Variants in ATG3 observed in about 807,000 individuals in gnomAD.
ATG3 encodes ubiquitin-like-conjugating enzyme ATG3.
ATG3 carries 25 observed loss-of-function variants against 50.7 expected under a neutral mutation model. The ratio of observed to expected loss-of-function variants is 0.49; its 90% CI spans 0.36 to 0.69. The LOEUF is 0.69. Among genes scored for constraint, ATG3 ranks in the 30% least tolerant of loss-of-function variants. ATG3 has a pLI of 0.00. For missense variants in ATG3, 281 were observed against 376.0 expected, an observed-to-expected ratio of 0.75 and a Z score of 2.09; for synonymous variants, 119 against 125.5, an observed-to-expected ratio of 0.95 and a Z score of 0.34.
At position 112,532,643 on chromosome 3, in the gene ATG3, G is replaced by C; in HGVS notation, c.*56C>G. The C allele has an allele frequency of 1.5e-6, 2 of 1,351,688 alleles. No homozygotes were observed. Among genetic ancestry groups the C allele is most frequent in the Middle Eastern group, 1.9e-4 (1 of 5,394 alleles). 83.7% of individuals were successfully genotyped at this position (1,351,688 alleles called of 1,614,324 possible). ...AATATGGTCAATGGTCACATCTATG[G>C]GTTAATTCTTTAAAAATCAGAACCA... On this transcript the variant is annotated 3_prime_UTR_variant, in exon 12 of 12. Transcript: ENST00000283290.
chr3:112,559,957 G>C lies in ATG3; in HGVS notation c.72+1500C>G, dbSNP rs1176523775. On this transcript the variant is annotated intron_variant, in intron 1 of 11. Transcript: ENST00000283290. The stretch of plus-strand genomic sequence containing the variant: ...CCTTGCCCTCCCTAAGCAGGAAACT[G>C]TAAGGATTCTCTCTGTAAACAACAG... Among the ~76,000 whole-genome samples, 4 of 152,330 alleles carry C rather than the reference G, an allele frequency of 2.6e-5. No individual in the cohort carries two copies. The East Asian group carries it at 7.7e-4, about 29-fold the overall frequency.
At chr3:112,557,460 G>A (rs1274501745) in intron 2 of ATG3, among the ~76,000 whole-genome samples, 1 of 152,108 alleles carries the variant, frequency 6.6e-6, no homozygotes, top group African/African-American at 2.4e-5. Context: ...TCTACTAAAA[G>A]TACAAAACTT....
intron 2 of ATG3, among the ~76,000 whole-genome samples, chr3:112,556,042 A>G (rs746111501): frequency 6.6e-6 from 1 of 151,878 alleles, no homozygotes; most frequent in East Asian, 1.9e-4. Context: ...TCCGCTCTTG[A>G]TTTCAGATAA....
At chr3:112,551,784 T>C (rs574793060) in intron 3 of ATG3, among the ~76,000 whole-genome samples, 98 of 152,104 alleles carry the variant, frequency 6.4e-4, no homozygotes, top group African/African-American at 2.3e-3. Context: ...AGAACCTAGC[T>C]AAATATAGTT....
chr3:112,561,658 ACGGGACGCGACGCGACGGGACGGG>A lies in ATG3; in HGVS notation c.-154_-131del, dbSNP rs1168336277. On this transcript the variant is annotated 5_prime_UTR_variant, in exon 1 of 12. Coordinates refer to ENST00000283290, the MANE Select transcript of ATG3 (RefSeq NM_022488.5). ...CACCCGGCTGGCAGCACCCGAGGGG[ACGGGACGCGACGCGACGGGACGGG>A]CGGGACGAGGGGGCGGGGCGGCAGG... The A allele has an allele frequency of 1.1e-6, 1 of 887,038 alleles. No homozygotes were observed. Among genetic ancestry groups the A allele is most frequent in the Admixed American group, 2.6e-5 (1 of 38,158 alleles). 54.9% of individuals were successfully genotyped at this position (887,038 alleles called of 1,614,324 possible).
Position 112,561,750 on chromosome 3 carries a change from C to G in ATG3, c.-222G>C. On this transcript the variant is annotated 5_prime_UTR_variant, in exon 1 of 12. Coordinates refer to ENST00000283290, the MANE Select transcript of ATG3 (RefSeq NM_022488.5). The stretch of plus-strand genomic sequence containing the variant: ...GGGTGCGCGATCCTCGCACCCCAGG[C>G]AGCCCGCGACGGACCGGACCCAGCT... 1.9e-6 allele frequency: 1 copy of G among 538,922 alleles called. No individual in the cohort carries two copies. The allele number at this position is 538,922 out of a possible 1,614,324, so 33.4% of individuals were successfully genotyped here.
chr3:112,556,224 G>C (rs1194437273), intron 2 of ATG3, among the ~76,000 whole-genome samples: 2 of 152,214 alleles, frequency 1.3e-5, no homozygotes, highest in South Asian at 2.1e-4. Context: ...ATGAAGCCTC[G>C]GCAGGGATAG....
Position 112,537,885 on chromosome 3 carries a change from G to C in ATG3, c.516C>G (p.Thr172=). The C allele has an allele frequency of 1.9e-6, 3 of 1,598,262 alleles. No individual in the cohort carries two copies. Among genetic ancestry groups the C allele is most frequent in the Non-Finnish European group, 2.6e-6 (3 of 1,175,552 alleles). The change falls in exon 9 of 12, where the codon ACC becomes ACG. Residue 172 remains threonine, a synonymous_variant. Coordinates refer to ENST00000283290, the MANE Select transcript of ATG3 (RefSeq NM_022488.5). ...ESGLLETDEA[T]LDTRKIVEAC... is the part of the protein sequence containing the mutation. ...CTTCTACTATTTTCCTTGTATCTAG[G>C]GTAGCCTGAAAATAATAAAAGAGAA...
intron 4 of ATG3, 28 bp downstream of exon 4, chr3:112,550,164 T>C: frequency 6.5e-7 from 1 of 1,545,206 alleles, no homozygotes; most frequent in South Asian, 1.2e-5. Context: ...TACGCAAAAT[T>C]TATTCATATA....
At chr3:112,533,312 A>C in intron 11 of ATG3, 1 of 984,990 alleles carries the variant, frequency 1.0e-6, no homozygotes, top group Non-Finnish European at 1.2e-6. Flanking sequence ...AAACATTAGG[A>C]GCTTACTTTT....
chr3:112,534,346 CAA>C lies in ATG3; in HGVS notation c.795-11_795-10del, dbSNP rs11381118. 3.0e-3 allele frequency: 3,817 copies of C among 1,270,564 alleles called. No homozygotes were observed. Among genetic ancestry groups the C allele is most frequent in the African/African-American group, 0.02 (1,253 of 63,908 alleles). The allele number at this position is 1,270,564 out of a possible 1,614,324, so 78.7% of individuals were successfully genotyped here. On this transcript the variant is annotated splice_polypyrimidine_tract_variant and intron_variant, in intron 10 of 11. Transcript: ENST00000283290. Reference sequence around the variant, plus strand: ...TCATCACCTCAGCATGCCTAGAAGCCAAAAAAAAAAAAAATTGTTAATGTAGA... The same window carrying C: ...TCATCACCTCAGCATGCCTAGAAGCCAAAAAAAAAAAATTGTTAATGTAGA...
At chr3:112,533,549 G>A in intron 11 of ATG3, 1 of 985,284 alleles carries the variant, frequency 1.0e-6, no homozygotes, top group Non-Finnish European at 1.2e-6. Context: ...TGGCATCTTA[G>A]TCTCCACATC....
At chr3:112,544,129 G>T in intron 5 of ATG3, 23 bp from the exon 6 acceptor site, 1 of 1,571,382 alleles carries the variant, frequency 6.4e-7, no homozygotes, top group Non-Finnish European at 8.7e-7. Flanking sequence ...CGGCAGAAAA[G>T]AATAACTAAA....
intron 2 of ATG3, 80 bp downstream of exon 2, chr3:112,558,296 G>A: frequency 2.9e-6 from 3 of 1,028,366 alleles, no homozygotes; most frequent in South Asian, 1.6e-5. Flanking sequence ...AGTTCAAGAT[G>A]TTTTCTTATG....
rs1006922322 is a variant in ATG3 at position 112,548,397 on chromosome 3, C to T, written c.343+136G>A. The T allele has an allele frequency of 1.1e-5, 8 of 731,066 alleles. No homozygotes were observed. In the Admixed American group the frequency reaches 1.7e-4, roughly 16 times the overall value. The allele number at this position is 731,066 out of a possible 1,614,324, so 45.3% of individuals were successfully genotyped here. On this transcript the variant is annotated intron_variant, in intron 5 of 11. Coordinates refer to ENST00000283290, the MANE Select transcript of ATG3 (RefSeq NM_022488.5). Reference sequence around the variant, plus strand: ...AAAGGCTTCTTTTTTAAAATTTGTCCTCCTGCTTTTTTCATGTAAGTCTAT... The same window carrying T: ...AAAGGCTTCTTTTTTAAAATTTGTCTTCCTGCTTTTTTCATGTAAGTCTAT...
At chr3:112,547,087 T>C (rs1339903215) in intron 5 of ATG3, among the ~76,000 whole-genome samples, 1 of 152,210 alleles carries the variant, frequency 6.6e-6, no homozygotes, top group Non-Finnish European at 1.5e-5. Context: ...CTCTGTCTAC[T>C]GCAGTGAGTC....
At chr3:112,533,439 G>A (rs1576710912) in intron 11 of ATG3, 2 of 985,124 alleles carry the variant, frequency 2.0e-6, no homozygotes, top group East Asian at 2.3e-4. Context: ...AGTAAATATG[G>A]TTTGGACTGG....
chr3:112,538,061 T>C, intron 8 of ATG3, 85 bp downstream of exon 8: 1 of 1,268,882 alleles, frequency 7.9e-7, no homozygotes, highest in Non-Finnish European at 1.1e-6. Context: ...AGAATGTCTT[T>C]GAAAGATCAA....
At chr3:112,557,915 GTT>G (rs569646143) in intron 2 of ATG3, among the ~76,000 whole-genome samples, 293 of 152,078 alleles carry the variant, frequency 1.9e-3, no homozygotes, top group Admixed American at 4.2e-3. Context: ...GCCTGAAAAG[GTT>G]TTTAGCCCAG....
Sources: gnomAD v4.1 joint callset for allele counts (sites outside exome capture counted in the v4.1 genomes callset) on GRCh38, gnomAD v4.1.1 for gene constraint, MANE v1.5 for transcripts, NCBI Gene and HGNC (gene_info 2026-07-23, HGNC 2026-07-21) for gene names.